Variants in ADAMTSL2 observed in about 807,000 individuals in gnomAD.
The protein encoded by ADAMTSL2 is ADAMTS like 2.
A neutral mutation model predicts 117.0 loss-of-function variants in ADAMTSL2; 55 were observed. That is an observed-to-expected ratio of 0.47 (90% CI 0.38 to 0.59). The LOEUF (loss-of-function observed/expected upper bound fraction) is 0.59. ADAMTSL2 is among the 20% of genes least tolerant of loss of function. The pLI is 0.00. For missense variants in ADAMTSL2, 1,182 were observed against 1,354.5 expected (o/e 0.87, Z 2.00); for synonymous variants, 572 against 566.4 (o/e 1.01, Z -0.14).
At chr9:133,533,163 C>CTG (rs71378583), upstream of ADAMTSL2, among the ~76,000 whole-genome samples, 10,426 of 148,026 alleles carry the variant, frequency 0.07, 427 homozygotes, top group Admixed American at 0.11. Context: ...GTGTGTGTGC[C>CTG]TGTGTGTGTG....
intron 12 of ADAMTSL2, among the ~76,000 whole-genome samples, chr9:133,565,216 A>G (rs1830938188): frequency 6.6e-6 from 1 of 152,078 alleles, no homozygotes; most frequent in South Asian, 2.1e-4. Flanking sequence ...GGTGTCATGA[A>G]GAGGGTGCCC....
intron 9 of ADAMTSL2, among the ~76,000 whole-genome samples, chr9:133,550,703 G>A (rs188376837): frequency 9.0e-4 from 137 of 152,192 alleles, no homozygotes; most frequent in African/African-American, 3.1e-3. Flanking sequence ...GTTCAGGAGC[G>A]GAAGGAGCTA....
In ADAMTSL2 at chr9:133,545,004, C is replaced by T. The variant is rs922859845; in HGVS notation, c.763+454C>T. 5.9e-5 allele frequency among the ~76,000 whole-genome samples: 9 copies of T among 152,270 alleles called. No individual in the cohort carries two copies. The South Asian group carries it at 1.2e-3, about 21-fold the overall frequency. ...TCATGCTGATGTTCTTGCCATTAGTCAGACTCCGCTGGGAGGCTGGGCTGT... is the reference window on the plus strand; with the variant it reads ...TCATGCTGATGTTCTTGCCATTAGTTAGACTCCGCTGGGAGGCTGGGCTGT... On this transcript the variant is annotated intron_variant, in intron 8 of 18. Coordinates refer to ENST00000651351, the MANE Select transcript of ADAMTSL2 (RefSeq NM_014694.4).
chr9:133,548,467 G>C (rs943835045), intron 9 of ADAMTSL2, among the ~76,000 whole-genome samples: 10 of 152,164 alleles, frequency 6.6e-5, no homozygotes, highest in African/African-American at 2.4e-4. Flanking sequence ...TTGTAGGTCA[G>C]GGTCCCCAGA....
At chr9:133,565,561 G>A (rs1005547687) in intron 12 of ADAMTSL2, among the ~76,000 whole-genome samples, 76 of 152,328 alleles carry the variant, frequency 5.0e-4, no homozygotes, top group Non-Finnish European at 1.0e-3. Flanking sequence ...AAGGCTGCAC[G>A]GCCCAGCTCT....
intron 12 of ADAMTSL2, among the ~76,000 whole-genome samples, chr9:133,563,816 GGGGAGA>G: frequency 2.5e-5 from 2 of 81,010 alleles, no homozygotes; most frequent in African/African-American, 4.8e-5. Context: ...AGAGAGAAAG[GGGGAGA>G]GAGAGAGAGA....
At chr9:133,569,063 G>A (rs1293473723) in intron 15 of ADAMTSL2, among the ~76,000 whole-genome samples, 1 of 151,652 alleles carries the variant, frequency 6.6e-6, no homozygotes, top group Non-Finnish European at 1.5e-5. Context: ...TTGTCTCCGA[G>A]TCTCTCTGTC....
In ADAMTSL2 at chr9:133,534,771, G is replaced by C; in HGVS notation, c.-297G>C. On this transcript the variant is annotated 5_prime_UTR_variant, in exon 1 of 19. Coordinates refer to ENST00000651351, the MANE Select transcript of ADAMTSL2 (RefSeq NM_014694.4). ...CTTTGAAGTGGGAGAGGGAGGCGGC[G>C]CGGGGGAGGAGGGGAAGGGGAGAGG... is the stretch of plus-strand genomic sequence containing the variant. The C allele has an allele frequency of 5.5e-6, 8 of 1,466,008 alleles. No homozygotes were observed. The highest frequency in any genetic ancestry group is 7.3e-6 in the Non-Finnish European group (8 of 1,102,832). 90.8% of individuals were successfully genotyped at this position (1,466,008 alleles called of 1,614,324 possible). A position where few individuals can be genotyped will look rare whatever the true frequency, so the allele number is the denominator to read the frequency against.
chr9:133,570,425 G>A lies in ADAMTSL2; in HGVS notation c.2510G>A (p.Cys837Tyr). 6.2e-7 allele frequency: 1 copy of A among 1,603,896 alleles called. No homozygotes were observed. Among genetic ancestry groups the A allele is most frequent in the Non-Finnish European group, 8.5e-7 (1 of 1,175,992 alleles). ...CCGCAGACGCGCAGTGGCCCCGAGT[G>A]CGGGCTCGCCAAGAAGCCTCCCGAG... ...GKPQTRSGPE[C>Y]GLAKKPPEES... The change falls in exon 17 of 19, where the codon TGC (cysteine) becomes TAC (tyrosine). Residue 837 changes from cysteine to tyrosine, a missense_variant. Cys to Tyr is a radical substitution (Grantham distance 194). This residue lies in a region of ADAMTSL2 where 465 missense variants were observed against 565.3 expected (regional missense o/e 0.82). Transcript: ENST00000651351.
chr9:133,555,969 G>C, intron 11 of ADAMTSL2, 39 bp downstream of exon 11: 3 of 1,602,184 alleles, frequency 1.9e-6, no homozygotes, highest in Non-Finnish European at 2.5e-6. Flanking sequence ...AGGGCCCTCA[G>C]GGGGCAGGAT....
chr9:133,539,686 G>GTCCCGGCTGTCCCGGCTGGCCCGGCTGA, intron 4 of ADAMTSL2, 85 bp from the exon 5 acceptor site: 1 of 1,305,782 alleles, frequency 7.7e-7, no homozygotes, highest in Non-Finnish European at 1.1e-6. Context: ...TGTCCCGGCT[G>GTCCCGGCTGTCCCGGCTGGCCCGGCTGA]CAGCCACTTC....
At chr9:133,534,496 G>C (rs1376192637), upstream of ADAMTSL2, 2 of 427,852 alleles carry the variant, frequency 4.7e-6, no homozygotes, top group African/African-American at 2.0e-5. Flanking sequence ...CGGGAAGAAG[G>C]CCTCCCTGCT....
chr9:133,570,614 TGAC>T, intron 17 of ADAMTSL2, 107 bp downstream of exon 17: 5 of 1,253,142 alleles, frequency 4.0e-6, no homozygotes, highest in Non-Finnish European at 5.6e-6. Context: ...CCTCCCTCCC[TGAC>T]AGCCTCTGTG....
intron 5 of ADAMTSL2, 105 bp downstream of exon 5, chr9:133,539,978 T>TGGAGGTGGTCA: frequency 9.2e-7 from 1 of 1,089,596 alleles, no homozygotes; most frequent in Non-Finnish European, 1.4e-6. Flanking sequence ...GGTGGGGAAA[T>TGGAGGTGGTCA]GGAGGTGGTC....
At position 133,544,245 on chromosome 9, in the gene ADAMTSL2, T is replaced by C. The variant is rs9802773; in HGVS notation, c.683-225T>C. On this transcript the variant is annotated intron_variant, in intron 7 of 18. Coordinates refer to ENST00000651351, the MANE Select transcript of ADAMTSL2 (RefSeq NM_014694.4). Reference sequence around the variant, plus strand: ...GGGCTGGGGCAAGCACGGATGAGCCTTCCTATGGCCTTGGTAGGAAGGGGT... The same window carrying C: ...GGGCTGGGGCAAGCACGGATGAGCCCTCCTATGGCCTTGGTAGGAAGGGGT... Among the ~76,000 whole-genome samples, 128,992 of 152,086 alleles carry C rather than the reference T, an allele frequency of 0.85. 55,413 individuals are homozygous for C. Among genetic ancestry groups the C allele is most frequent in the Non-Finnish European group, 0.92 (62,648 of 67,978 alleles).
rs1002546150 is a variant in ADAMTSL2, at chr9:133,571,090, G to C, written c.2592+583G>C. ...TGTGAGGCAGGACTATGCTGAGATC[G>C]CGGTTCTCTTTGTAGAGGGGAGGAG... On this transcript the variant is annotated intron_variant, in intron 17 of 18. Coordinates refer to ENST00000651351, the MANE Select transcript of ADAMTSL2 (RefSeq NM_014694.4). Among the ~76,000 whole-genome samples the C allele has an allele frequency of 2.6e-5, 4 of 152,284 alleles. No homozygotes were observed. The South Asian group carries it at 8.3e-4, about 32-fold the overall frequency.
chr9:133,555,963 C>T (rs1341631723), intron 11 of ADAMTSL2, 33 bp downstream of exon 11: 30 of 1,603,948 alleles, frequency 1.9e-5, no homozygotes, highest in Admixed American at 3.3e-5. Context: ...CTGTCCAGGG[C>T]CCTCAGGGGG....
At chr9:133,574,666 G>A (rs370992465) in intron 18 of ADAMTSL2, 80 bp from the exon 19 acceptor site, 4 of 1,248,046 alleles carry the variant, frequency 3.2e-6, no homozygotes, top group Admixed American at 1.7e-5. Flanking sequence ...CCTGGAAAAC[G>A]GCACGTGGGG....
chr9:133,540,605 T>A lies in ADAMTSL2; in HGVS notation c.420T>A (p.Tyr140Ter). 6.2e-7 allele frequency: 1 copy of A among 1,613,524 alleles called. No individual in the cohort carries two copies. Among genetic ancestry groups the A allele is most frequent in the Non-Finnish European group, 8.5e-7 (1 of 1,180,010 alleles). ...HQWKPLYPDD[Y>*]VHISSKPCDL... ...TTTGTCTCCCTCCACCAGATGACTATGTCCACATCTCCAGCAAACCGTGTG... is the reference window on the plus strand; with the variant it reads ...TTTGTCTCCCTCCACCAGATGACTAAGTCCACATCTCCAGCAAACCGTGTG... Residue 140 changes from tyrosine (Y) to a stop codon, truncating the protein, a stop_gained, in exon 6 of 19, where the codon TAT becomes TAA. Coordinates refer to ENST00000651351, the MANE Select transcript of ADAMTSL2 (RefSeq NM_014694.4). LOFTEE classifies it high-confidence loss of function.
Sources: gnomAD v4.1 joint callset for allele counts (sites outside exome capture counted in the v4.1 genomes callset) on GRCh38, gnomAD v4.1.1 for gene constraint, gnomAD v4.1.1 regional missense constraint, MANE v1.5 for transcripts, NCBI Gene and HGNC (gene_info 2026-07-23, HGNC 2026-07-21) for gene names.